The following WASL variants were observed in gnomAD, a reference collection of about 807,000 sequenced individuals.
WASL encodes actin nucleation-promoting factor WASL.
Under a neutral mutation model 55.5 loss-of-function variants are expected in WASL, and 20 were observed. That is an observed-to-expected ratio of 0.36 (90% CI 0.25 to 0.52). The LOEUF (loss-of-function observed/expected upper bound fraction) is 0.52, where lower values mean the gene tolerates loss of function less well. WASL is among the 20% of genes least tolerant of loss of function. WASL has a pLI of 0.92. For synonymous variants in WASL, 249 were observed against 217.6 expected (o/e 1.14, Z -1.27); for missense variants, 504 against 622.5 (o/e 0.81, Z 2.03).
At chr7:123,720,558 G>C (rs367550807) in intron 1 of WASL, among the ~76,000 whole-genome samples, 2 of 152,114 alleles carry the variant, frequency 1.3e-5, no homozygotes, top group African/African-American at 4.8e-5. Flanking sequence ...TAAAGGTTCT[G>C]TGTGTGGACA....
At chr7:123,715,669 A>G (rs1279512281) in intron 1 of WASL, among the ~76,000 whole-genome samples, 2 of 152,188 alleles carry the variant, frequency 1.3e-5, no homozygotes, top group Non-Finnish European at 2.9e-5. Context: ...TTAAAAAATC[A>G]CTTTATTATA....
In WASL at chr7:123,720,335, A is replaced by G. The variant is rs187095262; in HGVS notation, c.118-11112T>C. 3 of 441,900 alleles carry G rather than the reference A, an allele frequency of 6.8e-6. No homozygotes were observed. The Admixed American group carries it at 7.6e-5, about 11-fold the overall frequency. The allele number at this position is 441,900 out of a possible 1,614,324, so 27.4% of individuals were successfully genotyped here. A position where few individuals can be genotyped will look rare whatever the true frequency, so the allele number is the denominator to read the frequency against. On this transcript the variant is annotated intron_variant, in intron 1 of 10. Coordinates refer to ENST00000223023, the MANE Select transcript of WASL (RefSeq NM_003941.4). ...AGTTCAGCTATACAAATAGGATACC[A>G]TACAGCTGCAAAAAAAAAAAAAAAA...
intron 4 of WASL, among the ~76,000 whole-genome samples, chr7:123,704,866 A>G (rs944064751): frequency 3.3e-5 from 5 of 152,212 alleles, no homozygotes; most frequent in Non-Finnish European, 7.3e-5. Context: ...GTGCAACATG[A>G]AAGAACATCA....
Position 123,684,497 on chromosome 7 carries a change from ATATAT to A in WASL, c.*17_*21del, listed in dbSNP as rs751093113. 5.3e-4 allele frequency: 296 copies of A among 563,596 alleles called. 3 individuals carry two copies. The highest frequency in any genetic ancestry group is 9.5e-4 in the Middle Eastern group (2 of 2,100). 34.9% of individuals were successfully genotyped at this position (563,596 alleles called of 1,614,324 possible). ...GTTTAGTATTTCACCTTAAAAATAT[ATATAT>A]ATATATAATATATAGATCAGTCTTC... On this transcript the variant is annotated 3_prime_UTR_variant, in exon 11 of 11. Coordinates refer to ENST00000223023, the MANE Select transcript of WASL (RefSeq NM_003941.4).
At chr7:123,741,427 G>A (rs994982348) in intron 1 of WASL, among the ~76,000 whole-genome samples, 2 of 152,120 alleles carry the variant, frequency 1.3e-5, no homozygotes, top group East Asian at 1.9e-4. Flanking sequence ...GATGCTAGGT[G>A]ACCTATAAGA....
At chr7:123,723,148 T>C (rs995679450) in intron 1 of WASL, among the ~76,000 whole-genome samples, 5 of 152,210 alleles carry the variant, frequency 3.3e-5, no homozygotes, top group Admixed American at 6.5e-5. Flanking sequence ...AACACTGGCA[T>C]TGTATGCATT....
chr7:123,720,174 G>T (rs1194365301), intron 1 of WASL: 1 of 371,706 alleles, frequency 2.7e-6, no homozygotes, highest in East Asian at 7.1e-5. Flanking sequence ...GGGTAAAGGG[G>T]TAACACACTT....
intron 1 of WASL, among the ~76,000 whole-genome samples, chr7:123,736,382 G>T (rs904014382): frequency 1.3e-5 from 2 of 152,148 alleles, no homozygotes; most frequent in African/African-American, 4.8e-5. Context: ...TGATAACCAA[G>T]TGAATAAATA....
chr7:123,716,572 C>T (rs567367447), intron 1 of WASL, among the ~76,000 whole-genome samples: 1 of 151,532 alleles, frequency 6.6e-6, no homozygotes, highest in South Asian at 2.1e-4. Flanking sequence ...ACTAGTGGAG[C>T]CCCAAGTCCT....
intron 10 of WASL, among the ~76,000 whole-genome samples, chr7:123,687,688 TA>T (rs1256885228): frequency 6.6e-6 from 1 of 152,190 alleles, no homozygotes; most frequent in Non-Finnish European, 1.5e-5. Flanking sequence ...TATGTTTTTC[TA>T]GTTTTCTTTG....
intron 1 of WASL, among the ~76,000 whole-genome samples, chr7:123,747,754 A>G (rs1218085026): frequency 6.6e-6 from 1 of 151,798 alleles, no homozygotes; most frequent in Non-Finnish European, 1.5e-5. Context: ...GAACCTCCCC[A>G]CCCCCAGAAT....
intron 10 of WASL, among the ~76,000 whole-genome samples, chr7:123,688,369 T>C (rs949201463): frequency 2.3e-4 from 35 of 152,276 alleles, no homozygotes; most frequent in African/African-American, 4.1e-4. Flanking sequence ...ATTTATTCAT[T>C]TTATTTTTGA....
chr7:123,736,683 T>C (rs993817398), intron 1 of WASL, among the ~76,000 whole-genome samples: 1 of 152,028 alleles, frequency 6.6e-6, no homozygotes, highest in African/African-American at 2.4e-5. Context: ...TCAAAAAAAA[T>C]GTTAAAGAAA....
At chr7:123,701,655 A>T (rs1803592032) in intron 5 of WASL, among the ~76,000 whole-genome samples, 2 of 152,220 alleles carry the variant, frequency 1.3e-5, no homozygotes, top group Non-Finnish European at 2.9e-5. Flanking sequence ...TCTGAGACAA[A>T]GCACCTGCAT....
chr7:123,716,197 CCAAT>C lies in WASL; in HGVS notation c.118-6978_118-6975del, dbSNP rs142651357. 3.9e-3 allele frequency among the ~76,000 whole-genome samples: 594 copies of C among 152,158 alleles called. 3 individuals are homozygous for C. The highest frequency in any genetic ancestry group is 0.013 in the African/African-American group (558 of 41,524). ...GGGGTACCCTAGGAGTCCCAGCTCA[CCAAT>C]CAGTTTATTTTTATTTTTATTTATT... On this transcript the variant is annotated intron_variant, in intron 1 of 10. Transcript: ENST00000223023.
At chr7:123,745,879 TATAA>T (rs1047113137) in intron 1 of WASL, among the ~76,000 whole-genome samples, 1 of 152,172 alleles carries the variant, frequency 6.6e-6, no homozygotes, top group African/African-American at 2.4e-5. Flanking sequence ...CCTGTTTAAA[TATAA>T]ATAATCAGTT....
intron 1 of WASL, among the ~76,000 whole-genome samples, chr7:123,716,204 G>GTTTATT (rs904715097): frequency 1.3e-5 from 2 of 151,970 alleles, no homozygotes; most frequent in African/African-American, 2.4e-5. Flanking sequence ...TCACCAATCA[G>GTTTATT]TTTATTTTTA....
chr7:123,688,764 T>C (rs1044529288), intron 10 of WASL, among the ~76,000 whole-genome samples: 2 of 152,184 alleles, frequency 1.3e-5, no homozygotes, highest in African/African-American at 4.8e-5. Context: ...TTTCCTGATA[T>C]AGGAAACAAA....
intron 10 of WASL, among the ~76,000 whole-genome samples, chr7:123,687,737 A>G (rs1803316637): frequency 6.7e-6 from 1 of 148,584 alleles, no homozygotes; most frequent in Non-Finnish European, 1.5e-5. Flanking sequence ...GACCTAATGC[A>G]TGTCGATGAA....
Sources: gnomAD v4.1 joint callset for allele counts (sites outside exome capture counted in the v4.1 genomes callset) on GRCh38, gnomAD v4.1.1 for gene constraint, MANE v1.5 for transcripts, NCBI Gene and HGNC (gene_info 2026-07-23, HGNC 2026-07-21) for gene names.